Variants in BACH2 observed in about 807,000 individuals in gnomAD.
BACH2 encodes BACH transcriptional regulator 2, also known as transcription regulator protein BACH2.
Under a neutral mutation model 61.8 loss-of-function variants are expected in BACH2, and 5 were observed. That is an observed-to-expected ratio of 0.08 (90% CI 0.04 to 0.17). The LOEUF (loss-of-function observed/expected upper bound fraction) is 0.17, where lower values mean the gene tolerates loss of function less well. Among genes scored for constraint, BACH2 ranks in the 10% least tolerant of loss-of-function variants. The probability of loss-of-function intolerance (pLI) is 1.00; values close to 1 mark genes in which losing one functional copy is unlikely to be tolerated. For missense variants in BACH2, 824 were observed against 1,091.1 expected, an observed-to-expected ratio of 0.76 and a Z score of 3.45; for synonymous variants, 446 against 440.1, an observed-to-expected ratio of 1.01 and a Z score of -0.17.
chr6:89,953,870 C>T (rs1774264721), intron 6 of BACH2, among the ~76,000 whole-genome samples: 1 of 152,202 alleles, frequency 6.6e-6, no homozygotes, highest in Non-Finnish European at 1.5e-5. Flanking sequence ...TCTTTGTTTG[C>T]CCCGTGTCAC....
intron 2 of BACH2, among the ~76,000 whole-genome samples, chr6:90,263,179 T>C (rs1433852075): frequency 3.3e-5 from 5 of 152,192 alleles, no homozygotes; most frequent in Non-Finnish European, 5.9e-5. Flanking sequence ...AGTTATCACA[T>C]TGAAGACACT....
chr6:90,291,560 GAAA>G (rs1393584005), intron 1 of BACH2, among the ~76,000 whole-genome samples: 1 of 72,102 alleles, frequency 1.4e-5, no homozygotes, highest in East Asian at 5.4e-4. Flanking sequence ...CAAAAAAAAA[GAAA>G]AAAAAAAGCA....
chr6:90,167,963 T>C (rs1767687434), intron 4 of BACH2, among the ~76,000 whole-genome samples: 1 of 152,230 alleles, frequency 6.6e-6, no homozygotes, highest in Non-Finnish European at 1.5e-5. Flanking sequence ...AAAGTACATA[T>C]TCTTTGACCT....
At chr6:90,209,097 T>A (rs10455169) in intron 3 of BACH2, among the ~76,000 whole-genome samples, 65,505 of 151,032 alleles carry the variant, frequency 0.43, 15,958 homozygotes, top group South Asian at 0.56. Flanking sequence ...AGAAATACCT[T>A]ACGTAAATGA....
At chr6:90,153,212 CA>C (rs1418186317) in intron 4 of BACH2, among the ~76,000 whole-genome samples, 1 of 152,032 alleles carries the variant, frequency 6.6e-6, no homozygotes, top group East Asian at 1.9e-4. Context: ...AGAGTATGGC[CA>C]TTTCATGTAA....
intron 3 of BACH2, among the ~76,000 whole-genome samples, chr6:90,249,989 T>C (rs1426539735): frequency 1.3e-5 from 2 of 152,172 alleles, no homozygotes; most frequent in Non-Finnish European, 2.9e-5. Context: ...CCACAGAGTT[T>C]TGGCCACTTC....
intron 2 of BACH2, among the ~76,000 whole-genome samples, chr6:90,256,873 T>G (rs1770996710): frequency 6.6e-6 from 1 of 152,184 alleles, no homozygotes; most frequent in Non-Finnish European, 1.5e-5. Flanking sequence ...CCTACATCTC[T>G]CCATTTCCTG....
intron 5 of BACH2, among the ~76,000 whole-genome samples, chr6:90,054,862 A>G (rs7745139): frequency 0.44 from 67,010 of 152,064 alleles, 17,456 homozygotes; most frequent in East Asian, 0.82. Context: ...CAGGCAAACA[A>G]GGTCTGGAGT....
intron 4 of BACH2, among the ~76,000 whole-genome samples, chr6:90,098,703 A>C (rs529347521): frequency 6.6e-6 from 1 of 152,276 alleles, no homozygotes; most frequent in African/African-American, 2.4e-5. Flanking sequence ...AAAGAACTCC[A>C]GTACTTCTCT....
intron 6 of BACH2, among the ~76,000 whole-genome samples, chr6:89,990,896 G>C (rs867222644): frequency 1.3e-5 from 2 of 152,226 alleles, no homozygotes; most frequent in South Asian, 2.1e-4. Flanking sequence ...GCACACAGTA[G>C]ATGCTCAATG....
chr6:90,099,105 CCTTT>C (rs1247464678), intron 4 of BACH2, among the ~76,000 whole-genome samples: 1 of 151,754 alleles, frequency 6.6e-6, no homozygotes, highest in Non-Finnish European at 1.5e-5. Context: ...GCACTTAATT[CCTTT>C]GTTTTTTCTC....
At position 89,959,851 on chromosome 6, in the gene BACH2, G is replaced by T. The variant is rs1044667169; in HGVS notation, c.244-7989C>A. Among the ~76,000 whole-genome samples, 3 of 152,268 alleles carry T rather than the reference G, an allele frequency of 2.0e-5. No individual in the cohort carries two copies. The East Asian group carries it at 5.8e-4, about 29-fold the overall frequency. On this transcript the variant is annotated intron_variant, in intron 6 of 8. Coordinates refer to ENST00000257749, the MANE Select transcript of BACH2 (RefSeq NM_021813.4). The stretch of plus-strand genomic sequence containing the variant: ...AAACTCTTGTTTCCTAGGCTCTTTT[G>T]CTGGTTAACTTATTATCGGACCTGC...
chr6:90,257,576 C>G (rs1231232504), intron 2 of BACH2, among the ~76,000 whole-genome samples: 3 of 152,050 alleles, frequency 2.0e-5, no homozygotes, highest in Admixed American at 2.0e-4. Flanking sequence ...TTCGTTTGTT[C>G]TTTGCTATTG....
intron 4 of BACH2, among the ~76,000 whole-genome samples, chr6:90,174,944 T>C (rs1767938870): frequency 6.7e-6 from 1 of 149,428 alleles, no homozygotes; most frequent in African/African-American, 2.4e-5. Flanking sequence ...AACAAGACAG[T>C]AAGTAACTCA....
intron 5 of BACH2, among the ~76,000 whole-genome samples, chr6:90,052,896 A>C (rs981766789): frequency 6.6e-6 from 1 of 152,196 alleles, no homozygotes; most frequent in South Asian, 2.1e-4. Context: ...AAGTTTAGGC[A>C]ATTTACATAT....
intron 4 of BACH2, among the ~76,000 whole-genome samples, chr6:90,167,784 T>C (rs1767680397): frequency 6.6e-6 from 1 of 152,212 alleles, no homozygotes; most frequent in Non-Finnish European, 1.5e-5. Context: ...GAAACATGCT[T>C]GGCCAGTTCA....
At chr6:90,255,442 A>C (rs554178657) in intron 2 of BACH2, among the ~76,000 whole-genome samples, 4 of 152,310 alleles carry the variant, frequency 2.6e-5, no homozygotes, top group African/African-American at 9.6e-5. Flanking sequence ...GGTGAAACTG[A>C]GACCCAAAGA....
chr6:90,048,929 G>C (rs1779911268), intron 5 of BACH2, among the ~76,000 whole-genome samples: 1 of 152,128 alleles, frequency 6.6e-6, no homozygotes. Flanking sequence ...TACTTTTTCT[G>C]TAAAAAGGGG....
chr6:90,219,785 TAC>T (rs5878121), intron 3 of BACH2, among the ~76,000 whole-genome samples: 48,262 of 148,438 alleles, frequency 0.33, 7,974 homozygotes, highest in East Asian at 0.43. Flanking sequence ...TTAAAACACA[TAC>T]ACACACACAC....
Sources: allele counts gnomAD v4.1 joint callset (sites outside exome capture counted in the v4.1 genomes callset), GRCh38; gene constraint gnomAD v4.1.1; transcripts MANE v1.5; gene names NCBI Gene and HGNC (gene_info 2026-07-23, HGNC 2026-07-21).